CYYR1: variants seen among roughly 807,000 people sequenced by gnomAD.
The protein encoded by CYYR1 is cysteine and tyrosine rich 1.
CYYR1 carries 14 observed loss-of-function variants against 15.2 expected under a neutral mutation model. That is an observed-to-expected ratio of 0.92 (90% CI 0.61 to 1.44). The LOEUF (loss-of-function observed/expected upper bound fraction) is 1.44. Among genes scored for constraint, CYYR1 ranks in the 40% most tolerant of loss-of-function variants. The pLI, the probability that CYYR1 is intolerant of heterozygous loss-of-function variation, is 0.00. For missense variants in CYYR1, 228 were observed against 209.5 expected, an observed-to-expected ratio of 1.09 and a Z score of -0.54; for synonymous variants, 80 against 77.4, an observed-to-expected ratio of 1.03 and a Z score of -0.18.
intron 2 of CYYR1, among the ~76,000 whole-genome samples, chr21:26,486,949 A>G (rs1167333822): frequency 1.3e-5 from 2 of 152,074 alleles, no homozygotes; most frequent in African/African-American, 2.4e-5. Context: ...CCCAATTTAC[A>G]AATGCATTTT....
At chr21:26,519,459 T>C (rs1170799478) in intron 2 of CYYR1, among the ~76,000 whole-genome samples, 1 of 152,018 alleles carries the variant, frequency 6.6e-6, no homozygotes, top group Non-Finnish European at 1.5e-5. Context: ...TCTGACATAC[T>C]CAAGCAGTGA....
chr21:26,554,017 A>C (rs984640613), intron 2 of CYYR1, among the ~76,000 whole-genome samples: 1 of 152,212 alleles, frequency 6.6e-6, no homozygotes, highest in Non-Finnish European at 1.5e-5. Context: ...TTCCAAATGT[A>C]GGTTATGCAC....
chr21:26,573,110 C>G lies in CYYR1; in HGVS notation c.-170G>C. On this transcript the variant is annotated 5_prime_UTR_variant, in exon 1 of 4. Coordinates refer to ENST00000652641, the MANE Select transcript of CYYR1 (RefSeq NM_001320768.2). Reference sequence around the variant, plus strand: ...AAGGGAGCCCGGGCCGGGCGCGTCCCGGGCCAGCGACTGCGGGACTCCGCG... The same window carrying G: ...AAGGGAGCCCGGGCCGGGCGCGTCCGGGGCCAGCGACTGCGGGACTCCGCG... The G allele has an allele frequency of 2.7e-6, 4 of 1,507,922 alleles. No homozygotes were observed. Among genetic ancestry groups the G allele is most frequent in the Non-Finnish European group, 2.7e-6 (3 of 1,132,076 alleles). 93.4% of individuals were successfully genotyped at this position (1,507,922 alleles called of 1,614,324 possible).
chr21:26,545,066 C>T (rs1978863064), intron 2 of CYYR1, among the ~76,000 whole-genome samples: 1 of 152,122 alleles, frequency 6.6e-6, no homozygotes, highest in South Asian at 2.1e-4. Context: ...TTTCAGAACA[C>T]ATTAAATGAC....
At chr21:26,476,034 G>A (rs1385956105) in intron 3 of CYYR1, among the ~76,000 whole-genome samples, 1 of 152,070 alleles carries the variant, frequency 6.6e-6, no homozygotes, top group African/African-American at 2.4e-5. Context: ...TCTCTAAAAA[G>A]GTTTGATGAG....
chr21:26,507,052 C>G (rs1043228522), intron 2 of CYYR1, among the ~76,000 whole-genome samples: 1 of 152,122 alleles, frequency 6.6e-6, no homozygotes, highest in Non-Finnish European at 1.5e-5. Context: ...TGTGAAAGCC[C>G]TCAGCCCACA....
rs759162634 is a variant in CYYR1 at position 26,572,911 on chromosome 21, T to C, written c.30A>G (p.Pro10=). The change falls in exon 1 of 4, where the codon CCA becomes CCG. Residue 10 remains proline, a synonymous_variant. Coordinates refer to ENST00000652641, the MANE Select transcript of CYYR1 (RefSeq NM_001320768.2). MDAPRLPVR[P]GVLLPKLVLL... Reference sequence around the variant, plus strand: ...GGACCAACTTCGGAAGCAAGACCCCTGGACGCACGGGTAGCCTCGGAGCGT... The same window carrying C: ...GGACCAACTTCGGAAGCAAGACCCCCGGACGCACGGGTAGCCTCGGAGCGT... 5.6e-6 allele frequency: 9 copies of C among 1,614,042 alleles called. No individual in the cohort carries two copies. The highest frequency in any genetic ancestry group is 7.6e-6 in the Non-Finnish European group (9 of 1,180,000).
chr21:26,525,604 G>A (rs531955965), intron 2 of CYYR1, among the ~76,000 whole-genome samples: 1 of 152,172 alleles, frequency 6.6e-6, no homozygotes, highest in Non-Finnish European at 1.5e-5. Flanking sequence ...ACTAAAGGAT[G>A]TTATTCTTAA....
intron 2 of CYYR1, among the ~76,000 whole-genome samples, chr21:26,534,891 G>A (rs114832562): frequency 0.02 from 2,976 of 152,234 alleles, 110 homozygotes; most frequent in African/African-American, 0.068. Context: ...ATAGTTGTAT[G>A]TACGATCTTA....
At chr21:26,480,565 C>CT (rs140733070) in intron 2 of CYYR1, 136 bp from the exon 3 acceptor site, 326,631 of 589,846 alleles carry the variant, frequency 0.55, 63,989 homozygotes, top group African/African-American at 0.6. Flanking sequence ...TTTTTCTTTT[C>CT]TTTTTTTTTT....
At chr21:26,508,583 A>G (rs574002143) in intron 2 of CYYR1, among the ~76,000 whole-genome samples, 19 of 152,328 alleles carry the variant, frequency 1.2e-4, no homozygotes, top group African/African-American at 4.6e-4. Flanking sequence ...TTAGGAATGA[A>G]GAATGATTTT....
chr21:26,549,529 T>C (rs181432911), intron 2 of CYYR1, among the ~76,000 whole-genome samples: 1 of 152,306 alleles, frequency 6.6e-6, no homozygotes, highest in African/African-American at 2.4e-5. Flanking sequence ...TCAACCTTCT[T>C]AATTTTCTAT....
At chr21:26,554,567 T>A (rs1979631004) in intron 2 of CYYR1, among the ~76,000 whole-genome samples, 1 of 152,026 alleles carries the variant, frequency 6.6e-6, no homozygotes, top group Non-Finnish European at 1.5e-5. Context: ...TCACATTTGA[T>A]TAAGGGCACC....
At chr21:26,484,431 C>T (rs1429717491) in intron 2 of CYYR1, among the ~76,000 whole-genome samples, 1 of 152,082 alleles carries the variant, frequency 6.6e-6, no homozygotes, top group Non-Finnish European at 1.5e-5. Context: ...CTTCTATAGG[C>T]ATTTTTACTT....
chr21:26,547,556 G>C (rs1417375681), intron 2 of CYYR1, among the ~76,000 whole-genome samples: 2 of 152,072 alleles, frequency 1.3e-5, no homozygotes, highest in East Asian at 3.9e-4. Flanking sequence ...CTGAAGATAA[G>C]GGTATATAAC....
At chr21:26,486,322 C>T (rs779263858) in intron 2 of CYYR1, among the ~76,000 whole-genome samples, 2 of 151,974 alleles carry the variant, frequency 1.3e-5, no homozygotes, top group Non-Finnish European at 2.9e-5. Context: ...TGGGGTCATA[C>T]GTGGGAACTT....
intron 2 of CYYR1, among the ~76,000 whole-genome samples, chr21:26,522,703 A>G (rs2065816937): frequency 6.6e-6 from 1 of 152,218 alleles, no homozygotes; most frequent in Non-Finnish European, 1.5e-5. Context: ...TTGAAAATCT[A>G]CAGTCTATCA....
At chr21:26,516,264 A>AAGGG (rs2065726033) in intron 2 of CYYR1, among the ~76,000 whole-genome samples, 1 of 152,232 alleles carries the variant, frequency 6.6e-6, no homozygotes, top group South Asian at 2.1e-4. Flanking sequence ...GATAGTTTAT[A>AAGGG]AGGGCCCTTT....
At chr21:26,488,240 A>ACTTACTTCCTTCCTTCCTTCCTTC (rs1555904365) in intron 2 of CYYR1, among the ~76,000 whole-genome samples, 3 of 139,320 alleles carry the variant, frequency 2.2e-5, no homozygotes, top group Admixed American at 7.3e-5. Context: ...ATCTTCCCCT[A>ACTTACTTCCTTCCTTCCTTCCTTC]CTTCCTTCCT....
Sources: gnomAD v4.1 joint callset for allele counts (sites outside exome capture counted in the v4.1 genomes callset) on GRCh38, gnomAD v4.1.1 for gene constraint, MANE v1.5 for transcripts, NCBI Gene and HGNC (gene_info 2026-07-23, HGNC 2026-07-21) for gene names.